Variants in PPP1CB observed in about 807,000 individuals in gnomAD.
PPP1CB encodes protein phosphatase 1 catalytic subunit beta, also known as serine/threonine-protein phosphatase PP1-beta catalytic subunit.
PPP1CB carries 2 observed loss-of-function variants against 43.7 expected under a neutral mutation model. That is an observed-to-expected ratio of 0.05 (90% CI 0.02 to 0.14). PPP1CB has a LOEUF of 0.14. PPP1CB is among the 10% of genes least tolerant of loss of function. PPP1CB has a pLI of 1.00. For synonymous variants in PPP1CB, 136 were observed against 135.6 expected (o/e 1.00, Z -0.02); for missense variants, 84 against 398.0 (o/e 0.21, Z 6.71).
intron 4 of PPP1CB, among the ~76,000 whole-genome samples, 185 bp from the exon 5 acceptor site, chr2:28,783,722 A>G (rs1667203534): frequency 1.3e-5 from 2 of 151,684 alleles, no homozygotes; most frequent in Admixed American, 6.6e-5. Flanking sequence ...ACGCTACTGC[A>G]CTGCAGCCTG....
At chr2:28,756,473 C>G (rs1359180711) in intron 1 of PPP1CB, among the ~76,000 whole-genome samples, 1 of 152,172 alleles carries the variant, frequency 6.6e-6, no homozygotes, top group African/African-American at 2.4e-5. Flanking sequence ...GTATAGTACT[C>G]TTAAGATTTA....
chr2:28,753,873 A>T (rs1666412644), intron 1 of PPP1CB, among the ~76,000 whole-genome samples: 1 of 151,998 alleles, frequency 6.6e-6, no homozygotes, highest in African/African-American at 2.4e-5. Flanking sequence ...AGCTGGGATT[A>T]CAGGCACCCC....
At chr2:28,764,234 G>A (rs985450066) in intron 1 of PPP1CB, among the ~76,000 whole-genome samples, 4 of 151,914 alleles carry the variant, frequency 2.6e-5, no homozygotes, top group African/African-American at 9.7e-5. Flanking sequence ...GCCGAGGCAG[G>A]CGGATCACGA....
At position 28,790,368 on chromosome 2, in the gene PPP1CB, C is replaced by G. The variant is rs137932671; in HGVS notation, c.744+1559C>G. On this transcript the variant is annotated intron_variant, in intron 6 of 7. Coordinates refer to ENST00000395366, the MANE Select transcript of PPP1CB (RefSeq NM_002709.3). Reference sequence around the variant, plus strand: ...TTTTTGTTTTTGTTTGAGGCCGAGTCTCACTCTGTCACCTAGGCTGGAGTG... The same window carrying G: ...TTTTTGTTTTTGTTTGAGGCCGAGTGTCACTCTGTCACCTAGGCTGGAGTG... Among the ~76,000 whole-genome samples the G allele has an allele frequency of 3.8e-3, 573 of 152,272 alleles. 5 individuals are homozygous for G. Among genetic ancestry groups the G allele is most frequent in the African/African-American group, 0.013 (542 of 41,558 alleles).
chr2:28,798,035 A>G (rs1459858333), intron 7 of PPP1CB, among the ~76,000 whole-genome samples: 2 of 152,178 alleles, frequency 1.3e-5, no homozygotes, highest in African/African-American at 4.8e-5. Flanking sequence ...CAAATTAAAT[A>G]TAGTAACCAT....
chr2:28,755,467 C>G (rs1254914863), intron 1 of PPP1CB, among the ~76,000 whole-genome samples: 6 of 152,186 alleles, frequency 3.9e-5, no homozygotes, highest in African/African-American at 1.4e-4. Flanking sequence ...CTTGGATTAA[C>G]TTTTGCTTAG....
Position 28,802,009 on chromosome 2 carries a change from A to G in PPP1CB, c.*2706A>G, listed in dbSNP as rs1667629113. The stretch of plus-strand genomic sequence containing the variant: ...AGCTACCCAGTATCCATGCTGCCAT[A>G]TCCCTTCATTGTAAAAAGTACCTAA... On this transcript the variant is annotated 3_prime_UTR_variant, in exon 8 of 8. Coordinates refer to ENST00000395366, the MANE Select transcript of PPP1CB (RefSeq NM_002709.3). 1 of 152,178 alleles carries G rather than the reference A, an allele frequency of 6.6e-6. No homozygotes were observed. Among genetic ancestry groups the G allele is most frequent in the Admixed American group, 6.6e-5 (1 of 15,264 alleles). The allele number at this position is 152,178 out of a possible 1,614,324, so 9.4% of individuals were successfully genotyped here. A position where few individuals can be genotyped will look rare whatever the true frequency, so the allele number is the denominator to read the frequency against.
Position 28,751,869 on chromosome 2 carries a change from T to G in PPP1CB, c.-256T>G. Reference sequence around the variant, plus strand: ...TGCCGAGGAGGAGGAGGTGGCGGCCTGGGTCTGACGCGGCCCTGTTCGAGG... The same window carrying G: ...TGCCGAGGAGGAGGAGGTGGCGGCCGGGGTCTGACGCGGCCCTGTTCGAGG... On this transcript the variant is annotated 5_prime_UTR_variant, in exon 1 of 8. Coordinates refer to ENST00000395366, the MANE Select transcript of PPP1CB (RefSeq NM_002709.3). 2 of 539,060 alleles carry G rather than the reference T, an allele frequency of 3.7e-6. No homozygotes were observed. The highest frequency in any genetic ancestry group is 3.4e-6 in the Non-Finnish European group (1 of 296,478). The allele number at this position is 539,060 out of a possible 1,614,324, so 33.4% of individuals were successfully genotyped here.
At chr2:28,778,640 T>C in intron 2 of PPP1CB, 169 bp from the exon 3 acceptor site, 1 of 590,268 alleles carries the variant, frequency 1.7e-6, no homozygotes, top group South Asian at 2.1e-5. Context: ...AACTTAATCT[T>C]GGAAGTGACA....
At chr2:28,768,179 A>G (rs991756883) in intron 1 of PPP1CB, among the ~76,000 whole-genome samples, 1 of 152,178 alleles carries the variant, frequency 6.6e-6, no homozygotes, top group African/African-American at 2.4e-5. Flanking sequence ...GATCTTTGAC[A>G]AGGGAAGCGT....
rs1409233298 is a variant in PPP1CB, at chr2:28,800,989, A to G, written c.*1686A>G. On this transcript the variant is annotated 3_prime_UTR_variant, in exon 8 of 8. Coordinates refer to ENST00000395366, the MANE Select transcript of PPP1CB (RefSeq NM_002709.3). ...TTTTTCTAATTCCGTTTTGTTTTAA[A>G]GCACATTTTAAATGTAGTTTTCTCA... 2.6e-5 allele frequency: 4 copies of G among 152,556 alleles called. No individual in the cohort carries two copies. The highest frequency in any genetic ancestry group is 6.6e-5 in the Admixed American group (1 of 15,266). 9.5% of individuals were successfully genotyped at this position (152,556 alleles called of 1,614,324 possible).
Position 28,796,161 on chromosome 2 carries a change from G to A in PPP1CB, c.879+2164G>A, listed in dbSNP as rs559342199. On this transcript the variant is annotated intron_variant, in intron 7 of 7. Coordinates refer to ENST00000395366, the MANE Select transcript of PPP1CB (RefSeq NM_002709.3). ...TCCATTGGTTTATATGTCTGTTTTG[G>A]TACCAGTACCATGCTGTTTTGGTTA... 2.7e-5 allele frequency among the ~76,000 whole-genome samples: 4 copies of A among 146,668 alleles called. No homozygotes were observed. In the East Asian group the frequency reaches 7.8e-4, roughly 29 times the overall value.
At chr2:28,757,558 C>G (rs1224640369) in intron 1 of PPP1CB, among the ~76,000 whole-genome samples, 1 of 152,194 alleles carries the variant, frequency 6.6e-6, no homozygotes, top group African/African-American at 2.4e-5. Context: ...ACAACCTCCA[C>G]TTCTGTAGGG....
chr2:28,763,180 G>A (rs1666696270), intron 1 of PPP1CB, among the ~76,000 whole-genome samples: 3 of 152,244 alleles, frequency 2.0e-5, no homozygotes, highest in Admixed American at 1.3e-4. Flanking sequence ...TGGAGCAGGA[G>A]TGCTTTGTGG....
intron 1 of PPP1CB, among the ~76,000 whole-genome samples, chr2:28,771,544 G>T (rs746688739): frequency 8.5e-5 from 13 of 152,084 alleles, no homozygotes; most frequent in Non-Finnish European, 1.6e-4. Context: ...GACAAATGGG[G>T]TAATGAGCTA....
chr2:28,793,827 A>G lies in PPP1CB; in HGVS notation c.745-36A>G. 6 of 1,612,022 alleles carry G rather than the reference A, an allele frequency of 3.7e-6. No individual in the cohort carries two copies. The South Asian group carries it at 6.6e-5, about 18-fold the overall frequency. ...TATAGATGGTTCAGAATTACCCACC[A>G]ATAAATGTTTTTTCTTCTGACATTT... On this transcript the variant is annotated intron_variant, in intron 6 of 7. Coordinates refer to ENST00000395366, the MANE Select transcript of PPP1CB (RefSeq NM_002709.3).
intron 4 of PPP1CB, among the ~76,000 whole-genome samples, chr2:28,783,563 C>T (rs1337804304): frequency 1.3e-5 from 2 of 152,048 alleles, no homozygotes; most frequent in Non-Finnish European, 2.9e-5. Flanking sequence ...CGAGACCAGC[C>T]TGGCCAACAT....
intron 7 of PPP1CB, among the ~76,000 whole-genome samples, chr2:28,796,006 A>G (rs1029198959): frequency 6.6e-6 from 1 of 152,178 alleles, no homozygotes; most frequent in Non-Finnish European, 1.5e-5. Context: ...TCTTCTGCAT[A>G]TGGCTAGCCA....
rs144239680 is a variant in PPP1CB, at chr2:28,762,156, A to G, written c.52+9980A>G. Among the ~76,000 whole-genome samples, 388 of 152,262 alleles carry G rather than the reference A, an allele frequency of 2.5e-3. 1 individual carries two copies. Among genetic ancestry groups the G allele is most frequent in the Non-Finnish European group, 4.4e-3 (299 of 68,026 alleles). On this transcript the variant is annotated intron_variant, in intron 1 of 7. Coordinates refer to ENST00000395366, the MANE Select transcript of PPP1CB (RefSeq NM_002709.3). ...AAAAGTTAGCTGGGCGTGATGTCAC[A>G]TGCCTGTATTCCCAGCTACTTGGGA...
Sources: allele counts gnomAD v4.1 joint callset (sites outside exome capture counted in the v4.1 genomes callset), GRCh38; gene constraint gnomAD v4.1.1; transcripts MANE v1.5; gene names NCBI Gene and HGNC (gene_info 2026-07-23, HGNC 2026-07-21).